Variants in VAV3 observed in about 807,000 individuals in gnomAD.
The protein encoded by VAV3 is vav guanine nucleotide exchange factor 3.
VAV3 carries 94 observed loss-of-function variants against 131.2 expected under a neutral mutation model. The ratio of observed to expected loss-of-function variants is 0.72; its 90% confidence interval spans 0.61 to 0.85. VAV3 has a LOEUF of 0.85. Among genes scored for constraint, VAV3 ranks in the 40% least tolerant of loss-of-function variants. The pLI is 0.00. For synonymous variants in VAV3, 349 were observed against 342.0 expected (o/e 1.02, Z -0.22); for missense variants, 939 against 1,002.7 (o/e 0.94, Z 0.86).
chr1:107,883,706 G>C (rs1200776537), intron 1 of VAV3, among the ~76,000 whole-genome samples: 1 of 152,122 alleles, frequency 6.6e-6, no homozygotes, highest in Non-Finnish European at 1.5e-5. Flanking sequence ...TCAATGGGAA[G>C]CTGCCAACTG....
intron 17 of VAV3, among the ~76,000 whole-genome samples, chr1:107,689,972 C>A (rs1375758990): frequency 1.3e-5 from 2 of 152,022 alleles, no homozygotes; most frequent in Admixed American, 6.6e-5. Flanking sequence ...TGAGTTAGAG[C>A]CTGAACTGAG....
At chr1:107,696,182 T>C (rs1180830644) in intron 17 of VAV3, among the ~76,000 whole-genome samples, 2 of 152,202 alleles carry the variant, frequency 1.3e-5, no homozygotes, top group African/African-American at 4.8e-5. Context: ...ACCAACAGTA[T>C]TACACATATT....
At chr1:107,617,760 G>T in intron 20 of VAV3, 128 bp from the exon 21 acceptor site, 1 of 647,068 alleles carries the variant, frequency 1.5e-6, no homozygotes, top group Non-Finnish European at 2.5e-6. Context: ...CCAGTCCTGA[G>T]CATTAACTTA....
intron 20 of VAV3, among the ~76,000 whole-genome samples, chr1:107,623,021 G>C (rs530924895): frequency 6.6e-6 from 1 of 152,150 alleles, no homozygotes; most frequent in African/African-American, 2.4e-5. Flanking sequence ...GGAAAAGACC[G>C]AGTCAGAAAC....
intron 2 of VAV3, among the ~76,000 whole-genome samples, chr1:107,789,292 TC>T (rs1283477940): frequency 6.6e-6 from 1 of 152,164 alleles, no homozygotes; most frequent in East Asian, 1.9e-4. Context: ...CTGAATGTTG[TC>T]CGTAGCTATT....
intron 2 of VAV3, among the ~76,000 whole-genome samples, chr1:107,854,047 G>A (rs1389041695): frequency 2.0e-5 from 3 of 152,114 alleles, no homozygotes; most frequent in Admixed American, 6.6e-5. Context: ...GGCAGCTCAC[G>A]CCTGTAATCC....
chr1:107,947,903 G>T (rs1001447319), intron 1 of VAV3, among the ~76,000 whole-genome samples: 4 of 152,054 alleles, frequency 2.6e-5, no homozygotes, highest in African/African-American at 9.7e-5. Flanking sequence ...ACAAACAAAT[G>T]GTCCCTAATT....
intron 2 of VAV3, among the ~76,000 whole-genome samples, chr1:107,856,038 A>G (rs541639378): frequency 6.6e-6 from 1 of 152,354 alleles, no homozygotes; most frequent in Non-Finnish European, 1.5e-5. Flanking sequence ...ACAGCTGGGC[A>G]TGTTCTGAGT....
chr1:107,600,281 T>G (rs1651741376), intron 24 of VAV3, among the ~76,000 whole-genome samples: 1 of 152,252 alleles, frequency 6.6e-6, no homozygotes, highest in Non-Finnish European at 1.5e-5. Context: ...TCTTCAGCAA[T>G]TTTTATAGTT....
At chr1:107,921,640 T>A (rs1258623990) in intron 1 of VAV3, among the ~76,000 whole-genome samples, 1 of 152,224 alleles carries the variant, frequency 6.6e-6, no homozygotes, top group Non-Finnish European at 1.5e-5. Flanking sequence ...ATGCATTTCC[T>A]AATTTCAACA....
At chr1:107,651,720 T>C (rs919947532) in intron 19 of VAV3, among the ~76,000 whole-genome samples, 7 of 152,064 alleles carry the variant, frequency 4.6e-5, no homozygotes, top group African/African-American at 1.7e-4. Context: ...TCTAATTGGC[T>C]TTTCCTCATT....
chr1:107,862,951 C>T (rs933227490), intron 2 of VAV3, among the ~76,000 whole-genome samples: 11 of 151,814 alleles, frequency 7.2e-5, no homozygotes, highest in African/African-American at 2.4e-4. Context: ...ACCAAAAAAA[C>T]CCAACCAAGC....
intron 2 of VAV3, among the ~76,000 whole-genome samples, chr1:107,793,048 T>C (rs1396123634): frequency 6.6e-6 from 1 of 152,178 alleles, no homozygotes; most frequent in African/African-American, 2.4e-5. Flanking sequence ...TCATTATATG[T>C]TATACATATG....
chr1:107,735,137 T>C (rs1015231212), intron 15 of VAV3, among the ~76,000 whole-genome samples: 13 of 152,132 alleles, frequency 8.5e-5, no homozygotes, highest in African/African-American at 3.1e-4. Flanking sequence ...AAGGCAGAAA[T>C]AAACATGTTC....
intron 2 of VAV3, among the ~76,000 whole-genome samples, chr1:107,849,393 G>A (rs926242242): frequency 1.3e-5 from 2 of 152,158 alleles, no homozygotes; most frequent in Non-Finnish European, 1.5e-5. Context: ...ATTGACCAAT[G>A]GAACAGAATA....
At chr1:107,712,068 C>T (rs1378092273) in intron 15 of VAV3, among the ~76,000 whole-genome samples, 1 of 152,178 alleles carries the variant, frequency 6.6e-6, no homozygotes, top group African/African-American at 2.4e-5. Context: ...CAACCTCTCT[C>T]CGATTTACAA....
intron 2 of VAV3, among the ~76,000 whole-genome samples, chr1:107,782,268 T>G (rs1665730648): frequency 6.6e-6 from 1 of 152,240 alleles, no homozygotes; most frequent in Non-Finnish European, 1.5e-5. Context: ...CTATGATGTA[T>G]CTACAAAATC....
intron 19 of VAV3, among the ~76,000 whole-genome samples, chr1:107,662,995 T>C (rs1657134422): frequency 6.6e-6 from 1 of 152,204 alleles, no homozygotes; most frequent in Non-Finnish European, 1.5e-5. Context: ...GGGTTTTCAA[T>C]TACAGTTCTT....
At chr1:107,771,098 G>T (rs180824824) in intron 5 of VAV3, among the ~76,000 whole-genome samples, 1 of 152,220 alleles carries the variant, frequency 6.6e-6, no homozygotes. Flanking sequence ...ATTTGGCAAA[G>T]TAAGTAAAGA....
Sources: allele counts gnomAD v4.1 joint callset (sites outside exome capture counted in the v4.1 genomes callset), GRCh38; gene constraint gnomAD v4.1.1; transcripts MANE v1.5; gene names NCBI Gene and HGNC (gene_info 2026-07-23, HGNC 2026-07-21).